The following ADGB variants were observed in gnomAD, a reference collection of about 807,000 sequenced individuals.
ADGB encodes calpain-7-like protein.
Under a neutral mutation model 210.5 loss-of-function variants are expected in ADGB, and 172 were observed. The ratio of observed to expected loss-of-function variants is 0.82; its 90% CI spans 0.72 to 0.93. ADGB has a LOEUF of 0.93. ADGB is among the 40% of genes least tolerant of loss of function. ADGB has a pLI of 0.00. For synonymous variants in ADGB, 658 were observed against 662.7 expected, an observed-to-expected ratio of 0.99 and a Z score of 0.11; for missense variants, 2,025 against 1,964.8, an observed-to-expected ratio of 1.03 and a Z score of -0.58.
intron 12 of ADGB, among the ~76,000 whole-genome samples, chr6:146,696,321 C>T (rs1001634578): frequency 1.3e-5 from 2 of 149,296 alleles, no homozygotes; most frequent in African/African-American, 5.2e-5. Flanking sequence ...GGTGATCCAC[C>T]CACCTTGGCC....
intron 33 of ADGB, among the ~76,000 whole-genome samples, chr6:146,796,916 G>C (rs1419030286): frequency 6.6e-6 from 1 of 152,154 alleles, no homozygotes; most frequent in Admixed American, 6.5e-5. Context: ...ACAACTCACA[G>C]AGTGGGAGAA....
chr6:146,628,451 T>A (rs1393940010), intron 1 of ADGB, among the ~76,000 whole-genome samples: 1 of 152,010 alleles, frequency 6.6e-6, no homozygotes, highest in East Asian at 1.9e-4. Flanking sequence ...AAAATGTTTA[T>A]CTCTATATAA....
In ADGB at chr6:146,792,377, T is replaced by C. The variant is rs549070395; in HGVS notation, c.4537+3767T>C. ...CACAGGATGTTTTTCTATTTATTTA[T>C]GTCACCTTCAATTTCTTTCATCAAT... On this transcript the variant is annotated intron_variant, in intron 33 of 35. Coordinates refer to ENST00000397944, the MANE Select transcript of ADGB (RefSeq NM_024694.4). 3.9e-5 allele frequency among the ~76,000 whole-genome samples: 6 copies of C among 152,316 alleles called. No homozygotes were observed. The South Asian group carries it at 8.3e-4, about 21-fold the overall frequency.
intron 23 of ADGB, 142 bp from the exon 24 acceptor site, chr6:146,740,317 G>A: frequency 1.4e-6 from 1 of 723,846 alleles, no homozygotes; most frequent in Non-Finnish European, 2.2e-6. Flanking sequence ...GGACTACACA[G>A]ACCCCCTTTG....
At chr6:146,746,192 C>T in intron 26 of ADGB, 83 bp downstream of exon 26, 1 of 1,021,682 alleles carries the variant, frequency 9.8e-7, no homozygotes, top group Non-Finnish European at 1.4e-6. Flanking sequence ...GCAGTAAAAT[C>T]CTGAGTCGGT....
chr6:146,635,680 C>A, intron 2 of ADGB, 143 bp downstream of exon 2: 1 of 765,526 alleles, frequency 1.3e-6, no homozygotes. Context: ...TCAGCCCCAC[C>A]TCCCAACACT....
At position 146,658,957 on chromosome 6, in the gene ADGB, AG is replaced by A. The variant is rs377343053; in HGVS notation, c.612+1979del. ...TTATTTTGGTAGGCATGTGATAGAGAGGCAGCTGCCTGGTTTTCTGATTAGT... is the reference window on the plus strand; with the variant it reads ...TTATTTTGGTAGGCATGTGATAGAGAGCAGCTGCCTGGTTTTCTGATTAGT... On this transcript the variant is annotated intron_variant, in intron 5 of 35. Coordinates refer to ENST00000397944, the MANE Select transcript of ADGB (RefSeq NM_024694.4). Among the ~76,000 whole-genome samples the A allele has an allele frequency of 2.2e-3, 336 of 152,322 alleles. 2 individuals carry two copies. The highest frequency in any genetic ancestry group is 7.6e-3 in the African/African-American group (314 of 41,578).
intron 33 of ADGB, among the ~76,000 whole-genome samples, chr6:146,792,182 C>A (rs1428709467): frequency 6.6e-6 from 1 of 151,982 alleles, no homozygotes; most frequent in East Asian, 1.9e-4. Flanking sequence ...TATTTTTGGT[C>A]CAGATGGCTT....
chr6:146,782,502 T>A (rs546737440), intron 30 of ADGB, among the ~76,000 whole-genome samples: 1 of 152,262 alleles, frequency 6.6e-6, no homozygotes, highest in African/African-American at 2.4e-5. Flanking sequence ...AGACTGAAGG[T>A]AAACTGAGAA....
At position 146,815,367 on chromosome 6, in the gene ADGB, CAGAA is replaced by C. The variant is rs1384426888; in HGVS notation, c.*153_*156del. On this transcript the variant is annotated 3_prime_UTR_variant, in exon 36 of 36. Transcript: ENST00000397944. ...TTAATGCTAACTTGTTAGTTTTCCTCAGAAAGCTAGTATTTGAAGCCATTTGAGT... is the reference window on the plus strand; with the variant it reads ...TTAATGCTAACTTGTTAGTTTTCCTCAGCTAGTATTTGAAGCCATTTGAGT... 6.0e-5 allele frequency: 33 copies of C among 553,770 alleles called. No homozygotes were observed. The highest frequency in any genetic ancestry group is 8.5e-5 in the Non-Finnish European group (30 of 354,648). 34.3% of individuals were successfully genotyped at this position (553,770 alleles called of 1,614,324 possible). A position where few individuals can be genotyped will look rare whatever the true frequency, so the allele number is the denominator to read the frequency against.
chr6:146,753,989 T>A (rs1188377737), intron 27 of ADGB, among the ~76,000 whole-genome samples: 4 of 151,506 alleles, frequency 2.6e-5, no homozygotes, highest in African/African-American at 7.2e-5. Context: ...CATTTCTTTT[T>A]AAAAAATTTA....
At chr6:146,758,172 C>T (rs1490389563) in intron 27 of ADGB, among the ~76,000 whole-genome samples, 1 of 152,012 alleles carries the variant, frequency 6.6e-6, no homozygotes, top group Non-Finnish European at 1.5e-5. Context: ...AACTCCATTT[C>T]TAGTTTTTTC....
rs755380359 is a variant in ADGB, at chr6:146,692,909, C to T, written c.1571C>T (p.Thr524Ile). The change falls in exon 12 of 36, where the codon ACA becomes ATA. Residue 524 changes from threonine to isoleucine, a missense_variant. By Grantham distance (89) the Thr-to-Ile change is moderately conservative. Transcript: ENST00000397944. ...AGAATGACTCCATTTACAATTCCAA[C>T]AGAAATGTAAGTATTAACATTCTTC... Reference protein sequence around the residue: ...NYRMTPFTIPTEMHFVRSLIK... With the variant: ...NYRMTPFTIPIEMHFVRSLIK... 20 of 1,481,758 alleles carry T rather than the reference C, an allele frequency of 1.3e-5. No homozygotes were observed. The African/African-American group carries it at 2.7e-4, about 20-fold the overall frequency. 91.8% of individuals were successfully genotyped at this position (1,481,758 alleles called of 1,614,324 possible).
intron 21 of ADGB, among the ~76,000 whole-genome samples, chr6:146,733,512 A>G (rs1283277876): frequency 1.3e-5 from 2 of 152,176 alleles, no homozygotes; most frequent in African/African-American, 2.4e-5. Flanking sequence ...CCTTAAAAAT[A>G]TGGAAGTCAC....
chr6:146,672,548 G>GA (rs1776024923), intron 8 of ADGB, 81 bp downstream of exon 8: 23 of 1,437,092 alleles, frequency 1.6e-5, no homozygotes, highest in Non-Finnish European at 2.1e-5. Context: ...TGTGTTGCTG[G>GA]AAAGAGTGGT....
At chr6:146,660,627 T>C (rs1281879248) in intron 5 of ADGB, among the ~76,000 whole-genome samples, 2 of 152,158 alleles carry the variant, frequency 1.3e-5, no homozygotes, top group African/African-American at 4.8e-5. Flanking sequence ...ATATAATATA[T>C]ATTGCTAATT....
chr6:146,772,493 G>A (rs1459044094), intron 29 of ADGB, among the ~76,000 whole-genome samples: 1 of 147,484 alleles, frequency 6.8e-6, no homozygotes, highest in Non-Finnish European at 1.5e-5. Context: ...ATTCCATCAA[G>A]GGCATTTGAA....
At chr6:146,714,328 TC>T (rs1012603935) in intron 13 of ADGB, among the ~76,000 whole-genome samples, 27 of 144,454 alleles carry the variant, frequency 1.9e-4, no homozygotes, top group East Asian at 1.4e-3. Flanking sequence ...TTTTTTTTTT[TC>T]CCCTGACTCT....
intron 2 of ADGB, among the ~76,000 whole-genome samples, chr6:146,637,763 A>G (rs2114861317): frequency 6.6e-6 from 1 of 152,186 alleles, no homozygotes; most frequent in South Asian, 2.1e-4. Flanking sequence ...TACTCAGTGT[A>G]TATCATTCAT....
Sources: allele counts gnomAD v4.1 joint callset (sites outside exome capture counted in the v4.1 genomes callset), GRCh38; gene constraint gnomAD v4.1.1; transcripts MANE v1.5; gene names NCBI Gene and HGNC (gene_info 2026-07-23, HGNC 2026-07-21).